RASGRF2: variants seen among roughly 807,000 people sequenced by gnomAD.
The protein encoded by RASGRF2 is ras-specific guanine nucleotide-releasing factor 2.
Under a neutral mutation model 151.0 loss-of-function variants are expected in RASGRF2, and 76 were observed. The observed-to-expected ratio is 0.50, with a 90% confidence interval of 0.42 to 0.61. RASGRF2 has a LOEUF of 0.61. RASGRF2 is among the 20% of genes least tolerant of loss of function. The pLI is 0.00. For synonymous variants in RASGRF2, 504 were observed against 566.5 expected (o/e 0.89, Z 1.57); for missense variants, 1,148 against 1,564.6 (o/e 0.73, Z 4.49).
intron 21 of RASGRF2, among the ~76,000 whole-genome samples, chr5:81,207,559 C>A (rs1425098295): frequency 2.0e-5 from 3 of 152,176 alleles, no homozygotes; most frequent in African/African-American, 7.2e-5. Flanking sequence ...GACAAAGAAC[C>A]CTGCCCAGGG....
intron 1 of RASGRF2, among the ~76,000 whole-genome samples, chr5:80,992,073 A>T (rs573361233): frequency 1.3e-5 from 2 of 151,986 alleles, no homozygotes; most frequent in African/African-American, 4.8e-5. Context: ...TGGCACCATG[A>T]TGTCTCCACC....
intron 1 of RASGRF2, among the ~76,000 whole-genome samples, chr5:81,017,149 T>C (rs1749665070): frequency 6.6e-6 from 1 of 152,188 alleles, no homozygotes; most frequent in African/African-American, 2.4e-5. Context: ...AGGAGTCCAG[T>C]GTCCTAGGCA....
intron 2 of RASGRF2, among the ~76,000 whole-genome samples, chr5:81,057,245 G>A (rs1187624669): frequency 6.6e-6 from 1 of 152,088 alleles, no homozygotes; most frequent in Non-Finnish European, 1.5e-5. Context: ...TTACAATTTG[G>A]CATGTTTTTG....
chr5:81,038,020 G>A (rs1014319797), intron 1 of RASGRF2, among the ~76,000 whole-genome samples: 2 of 152,114 alleles, frequency 1.3e-5, no homozygotes, highest in African/African-American at 2.4e-5. Flanking sequence ...TCAACATTGA[G>A]TTGGTTCATC....
intron 3 of RASGRF2, 29 bp downstream of exon 3, chr5:81,068,208 A>T: frequency 6.3e-7 from 1 of 1,593,726 alleles, no homozygotes; most frequent in Non-Finnish European, 8.6e-7. Flanking sequence ...ATTCCTTCTC[A>T]TTGTTTCACG....
chr5:81,058,378 A>T (rs891992278), intron 2 of RASGRF2, among the ~76,000 whole-genome samples: 2 of 152,222 alleles, frequency 1.3e-5, no homozygotes, highest in African/African-American at 4.8e-5. Context: ...TAGAATAGAA[A>T]TGCCAGTGGT....
chr5:80,969,842 T>G lies in RASGRF2; in HGVS notation c.288+8816T>G, dbSNP rs1317287238. Among the ~76,000 whole-genome samples the G allele has an allele frequency of 1.2e-4, 16 of 138,254 alleles. No homozygotes were observed. In the East Asian group the frequency reaches 3.2e-3, roughly 28 times the overall value. 90.7% of individuals were successfully genotyped at this position (138,254 alleles called of 152,430 possible). On this transcript the variant is annotated intron_variant, in intron 1 of 26. Transcript: ENST00000265080. Reference sequence around the variant, plus strand: ...TTTTTTTTTTTTTTTTTTTTTTTTTTTGAGACAGAGTTTTGCTCTTGTTGC... The same window carrying G: ...TTTTTTTTTTTTTTTTTTTTTTTTTGTGAGACAGAGTTTTGCTCTTGTTGC...
At chr5:81,117,902 A>G (rs1753203538) in intron 15 of RASGRF2, among the ~76,000 whole-genome samples, 1 of 152,226 alleles carries the variant, frequency 6.6e-6, no homozygotes, top group Admixed American at 6.5e-5. Flanking sequence ...CTGAAACCCA[A>G]CGGGGCAGAC....
chr5:81,114,234 T>C (rs1753087568), intron 15 of RASGRF2, among the ~76,000 whole-genome samples: 1 of 152,226 alleles, frequency 6.6e-6, no homozygotes, highest in Non-Finnish European at 1.5e-5. Flanking sequence ...ACTGGTTGGC[T>C]GAAGAGCCTA....
intron 16 of RASGRF2, 109 bp from the exon 17 acceptor site, chr5:81,126,965 G>A (rs1030296124): frequency 1.0e-5 from 12 of 1,144,062 alleles, no homozygotes; most frequent in Middle Eastern, 2.0e-4. Flanking sequence ...ATAATACAGG[G>A]CATTTGGCCC....
At chr5:81,158,774 A>T (rs1580367356) in intron 17 of RASGRF2, among the ~76,000 whole-genome samples, 1 of 152,208 alleles carries the variant, frequency 6.6e-6, no homozygotes, top group Non-Finnish European at 1.5e-5. Flanking sequence ...AATAAAATTG[A>T]CAGATGGTGA....
chr5:81,173,708 A>G (rs1754710032), intron 17 of RASGRF2, among the ~76,000 whole-genome samples: 1 of 152,220 alleles, frequency 6.6e-6, no homozygotes, highest in African/African-American at 2.4e-5. Context: ...GAGACATGAG[A>G]AGTACTTGAG....
intron 17 of RASGRF2, among the ~76,000 whole-genome samples, chr5:81,169,828 AC>A (rs1490322023): frequency 2.0e-5 from 3 of 151,604 alleles, no homozygotes; most frequent in African/African-American, 7.3e-5. Context: ...CACCTGCATC[AC>A]CTGCATCACT....
chr5:81,066,741 T>C (rs1751618305), intron 2 of RASGRF2, among the ~76,000 whole-genome samples: 1 of 152,200 alleles, frequency 6.6e-6, no homozygotes, highest in African/African-American at 2.4e-5. Context: ...AAGTTAATAT[T>C]ATTGCAGTTC....
At chr5:80,994,389 A>G (rs1313586583) in intron 1 of RASGRF2, among the ~76,000 whole-genome samples, 1 of 146,678 alleles carries the variant, frequency 6.8e-6, no homozygotes, top group African/African-American at 2.5e-5. Flanking sequence ...AAAAAGAGGT[A>G]GTAGGTCAAA....
Position 81,085,846 on chromosome 5 carries a change from A to G in RASGRF2, c.1206A>G (p.Thr402=). Residue 402 remains threonine, a synonymous_variant, in exon 8 of 27, where the codon ACA becomes ACG. Coordinates refer to ENST00000265080, the MANE Select transcript of RASGRF2 (RefSeq NM_006909.3). ...IITLHELLAH[T]PHEHVERKSL... ...CACTCCATGAGCTCCTTGCTCACAC[A>G]CCCCATGAGCATGTGGAAAGGAAAA... The G allele has an allele frequency of 1.2e-6, 2 of 1,613,980 alleles. No homozygotes were observed. Among genetic ancestry groups the G allele is most frequent in the Non-Finnish European group, 1.7e-6 (2 of 1,180,008 alleles).
intron 2 of RASGRF2, among the ~76,000 whole-genome samples, chr5:81,065,612 A>C (rs1322462921): frequency 6.6e-6 from 1 of 152,152 alleles, no homozygotes; most frequent in Non-Finnish European, 1.5e-5. Context: ...TACTTGTTTA[A>C]TGGAAGATCA....
intron 17 of RASGRF2, among the ~76,000 whole-genome samples, chr5:81,131,926 T>C (rs1168690439): frequency 6.6e-6 from 1 of 152,230 alleles, no homozygotes. Context: ...GTGCTTTCAC[T>C]ATTACTTCTC....
At chr5:81,105,403 C>T (rs374791942) in intron 12 of RASGRF2, among the ~76,000 whole-genome samples, 1 of 152,094 alleles carries the variant, frequency 6.6e-6, no homozygotes, top group Admixed American at 6.5e-5. Flanking sequence ...CCACCTCCAG[C>T]GCCCGTCCCC....
Sources: allele counts gnomAD v4.1 joint callset (sites outside exome capture counted in the v4.1 genomes callset), GRCh38; gene constraint gnomAD v4.1.1; transcripts MANE v1.5; gene names NCBI Gene and HGNC (gene_info 2026-07-23, HGNC 2026-07-21).